LITAF: variants seen among roughly 807,000 people sequenced by gnomAD.
The protein encoded by LITAF is lipopolysaccharide induced TNF factor.
In LITAF, 9 loss-of-function variants were observed where a neutral mutation model predicts 14.5. That is an observed-to-expected ratio of 0.62 (90% CI 0.37 to 1.08). The LOEUF is 1.08. LITAF is among the 50% of genes least tolerant of loss of function. LITAF has a pLI of 0.01. For synonymous variants in LITAF, 98 were observed against 88.2 expected, an observed-to-expected ratio of 1.11 and a Z score of -0.62; for missense variants, 206 against 213.4, an observed-to-expected ratio of 0.97 and a Z score of 0.22.
At chr16:11,551,157 A>T (rs11644920) in intron 3 of LITAF, among the ~76,000 whole-genome samples, 48,892 of 152,084 alleles carry the variant, frequency 0.32, 8,099 homozygotes, top group East Asian at 0.5. Context: ...GGTTTACATA[A>T]AGCAGAATTT....
In LITAF at chr16:11,623,510, A is replaced by G. The variant is rs370080986; in HGVS notation, c.85+10023T>C. On this transcript the variant is annotated intron_variant, in intron 3 of 3. Coordinates refer to the LITAF transcript ENST00000574848. Reference sequence around the variant, plus strand: ...CCCCATCTCTACTAAAGATACAAAAATTAGCCAGGCAAGGTGGCGCATGAC... The same window carrying G: ...CCCCATCTCTACTAAAGATACAAAAGTTAGCCAGGCAAGGTGGCGCATGAC... 3.3e-5 allele frequency among the ~76,000 whole-genome samples: 5 copies of G among 151,808 alleles called. No individual in the cohort carries two copies. In the East Asian group the frequency reaches 7.9e-4, roughly 24 times the overall value.
At chr16:11,590,738 GT>G (rs1230262487), upstream of LITAF, among the ~76,000 whole-genome samples, 2 of 117,266 alleles carry the variant, frequency 1.7e-5, 1 homozygote, top group Non-Finnish European at 3.4e-5. Context: ...TGTTGTTGTT[GT>G]TTTGTGTTTT....
At chr16:11,638,477 C>T (rs12708733), upstream of LITAF, among the ~76,000 whole-genome samples, 10 of 151,546 alleles carry the variant, frequency 6.6e-5, no homozygotes, top group East Asian at 1.4e-3. Flanking sequence ...CCGAGGCAGG[C>T]GCATCACGAG....
At chr16:11,557,583 G>A (rs932459453) in intron 1 of LITAF, among the ~76,000 whole-genome samples, 2 of 152,042 alleles carry the variant, frequency 1.3e-5, no homozygotes, top group African/African-American at 4.8e-5. Flanking sequence ...CCAGGTAGCT[G>A]GGACTACAGG....
rs2064951166 is a variant in LITAF at position 11,605,583 on chromosome 16, A to G, written c.85+27950T>C. On this transcript the variant is annotated intron_variant, in intron 3 of 3. Transcript: ENST00000574848. The surrounding 1 kb of genome is among the most constrained non-coding windows in gnomAD (Gnocchi z 4.7). ...GGGAGGGAAAAAGAGAAATGAAAAG[A>G]AAAAGAATTGAGATGGGACAAGGAG... 4.6e-5 allele frequency among the ~76,000 whole-genome samples: 7 copies of G among 152,210 alleles called. No individual in the cohort carries two copies. The highest frequency in any genetic ancestry group is 4.6e-4 in the Admixed American group (7 of 15,278).
In LITAF at chr16:11,553,304, G is replaced by A. The variant is rs562616518; in HGVS notation, c.377+229C>T. The A allele has an allele frequency of 5.3e-4, 272 of 517,484 alleles. No homozygotes were observed. Among genetic ancestry groups the A allele is most frequent in the East Asian group, 3.5e-3 (98 of 28,342 alleles). The allele number at this position is 517,484 out of a possible 1,614,324, so 32.1% of individuals were successfully genotyped here. On this transcript the variant is annotated intron_variant, in intron 3 of 3. Transcript: ENST00000622633. This position sits in a 1 kb window ranked among gnomAD's most constrained non-coding sequence, Gnocchi z 7.7. Reference sequence around the variant, plus strand: ...TGCACCCCTATAATCCCAGCTACACGGGACGCTAAGGCAGGAGAATCGTTT... The same window carrying A: ...TGCACCCCTATAATCCCAGCTACACAGGACGCTAAGGCAGGAGAATCGTTT...
chr16:11,589,923 C>CCACACGTTCTGATTTTAAAATTT (rs1597362996), upstream of LITAF, among the ~76,000 whole-genome samples: 1 of 117,424 alleles, frequency 8.5e-6, no homozygotes, highest in African/African-American at 4.0e-5. Flanking sequence ...CACACCCAGC[C>CCACACGTTCTGATTTTAAAATTT]AGTTGCATTT....
upstream of LITAF, among the ~76,000 whole-genome samples, chr16:11,602,132 C>T (rs529293355): frequency 6.6e-5 from 10 of 152,166 alleles, no homozygotes; most frequent in East Asian, 1.4e-3. Flanking sequence ...GAGGCCGAGG[C>T]GGACGGATTG....
At chr16:11,635,660 G>T (rs1392530605) in intron 2 of LITAF, among the ~76,000 whole-genome samples, 1 of 152,174 alleles carries the variant, frequency 6.6e-6, no homozygotes, top group Admixed American at 6.5e-5. Context: ...TGACCAAGGG[G>T]AAGAAAAATG....
Position 11,549,646 on chromosome 16 carries a change from C to T in LITAF, c.477G>A (p.Lys159=), listed in dbSNP as rs371453151. ...PNCRALLGTY[K]RL ...CACGTCTGGCTGAGTCCTACAAACG[C>T]TTGTAGGTGCCCAGGAGAGCTCTGC... The change falls in exon 4 of 4, where the codon AAG becomes AAA. Residue 159 remains lysine (K), a synonymous_variant. Transcript: ENST00000622633. This position sits in a 1 kb window ranked among gnomAD's most constrained non-coding sequence, Gnocchi z 4.6. 8.6e-5 allele frequency: 138 copies of T among 1,612,154 alleles called. No homozygotes were observed. The highest frequency in any genetic ancestry group is 1.1e-4 in the Non-Finnish European group (127 of 1,178,742).
At chr16:11,562,336 A>G (rs376543903) in intron 1 of LITAF, among the ~76,000 whole-genome samples, 1,602 of 149,472 alleles carry the variant, frequency 0.011, 16 homozygotes, top group African/African-American at 0.039. Flanking sequence ...AAAAAAAAAA[A>G]AAGAAGGAAG....
At chr16:11,628,831 C>G (rs949412904) in intron 3 of LITAF, among the ~76,000 whole-genome samples, 1 of 152,182 alleles carries the variant, frequency 6.6e-6, no homozygotes, top group Non-Finnish European at 1.5e-5. Context: ...CGCACACCAC[C>G]ATGCCCAGCT....
Position 11,549,027 on chromosome 16 carries a change from G to A in LITAF, c.*610C>T. The A allele has an allele frequency of 2.2e-6, 1 of 452,566 alleles. No individual in the cohort carries two copies. Among genetic ancestry groups the A allele is most frequent in the Non-Finnish European group, 4.4e-6 (1 of 226,576 alleles). 28.0% of individuals were successfully genotyped at this position (452,566 alleles called of 1,614,324 possible). A position where few individuals can be genotyped will look rare whatever the true frequency, so the allele number is the denominator to read the frequency against. On this transcript the variant is annotated 3_prime_UTR_variant, in exon 4 of 4. Coordinates refer to ENST00000622633, the MANE Select transcript of LITAF (RefSeq NM_001136472.2). The surrounding 1 kb of genome is among the most constrained non-coding windows in gnomAD (Gnocchi z 4.6). ...ACGACCTTGTGGATATGTCTGTACTGGGTGTTAATAGCCCCCTCCTTGTAT... is the reference window on the plus strand; with the variant it reads ...ACGACCTTGTGGATATGTCTGTACTAGGTGTTAATAGCCCCCTCCTTGTAT...
intron 3 of LITAF, among the ~76,000 whole-genome samples, chr16:11,622,097 A>T (rs1301839223): frequency 6.6e-6 from 1 of 152,146 alleles, no homozygotes; most frequent in Non-Finnish European, 1.5e-5. Context: ...GTGGCTGATG[A>T]GGGTGGAGGC....
chr16:11,585,323 C>G (rs1346289187), intron 1 of LITAF, among the ~76,000 whole-genome samples: 1 of 151,940 alleles, frequency 6.6e-6, no homozygotes, highest in African/African-American at 2.4e-5. Flanking sequence ...GATACTTTCT[C>G]AAATGTGAAT....
At chr16:11,619,241 G>A (rs927158841) in intron 3 of LITAF, among the ~76,000 whole-genome samples, 2 of 151,848 alleles carry the variant, frequency 1.3e-5, no homozygotes, top group African/African-American at 2.4e-5. Context: ...AACCTGGGAG[G>A]AAGAGGTTGC....
intron 1 of LITAF, among the ~76,000 whole-genome samples, chr16:11,583,279 C>T (rs1370309777): frequency 6.6e-6 from 1 of 152,162 alleles, no homozygotes; most frequent in Admixed American, 6.6e-5. Context: ...TCAAGCATGG[C>T]GTAATGACAA....
At chr16:11,596,689 G>A (rs1394565086) in intron 1 of LITAF, among the ~76,000 whole-genome samples, 1 of 86,524 alleles carries the variant, frequency 1.2e-5, no homozygotes, top group African/African-American at 4.7e-5. Flanking sequence ...AGGGGAGGGG[G>A]AAGGAGCAGG....
intron 3 of LITAF, among the ~76,000 whole-genome samples, chr16:11,604,644 TAAAAAAAAA>T (rs67633068): frequency 7.8e-6 from 1 of 128,588 alleles, no homozygotes; most frequent in African/African-American, 3.0e-5. Context: ...CTGTCTCTCT[TAAAAAAAAA>T]AAAAAAAAAA....
Sources: allele counts gnomAD v4.1 joint callset (sites outside exome capture counted in the v4.1 genomes callset), GRCh38; gene constraint gnomAD v4.1.1; non-coding constraint Gnocchi (gnomAD v3.1); transcripts MANE v1.5; gene names NCBI Gene and HGNC (gene_info 2026-07-23, HGNC 2026-07-21).